Variants in UBE3D observed in about 807,000 individuals in gnomAD.
UBE3D encodes ubiquitin protein ligase E3D, also known as E3 ubiquitin-protein ligase E3D.
In UBE3D, 48 loss-of-function variants were observed where a neutral mutation model predicts 49.6. The ratio of observed to expected loss-of-function variants is 0.97; its 90% CI spans 0.77 to 1.23. The LOEUF (loss-of-function observed/expected upper bound fraction) is 1.23. Ranked by LOEUF, UBE3D falls within the 50% of genes most tolerant of loss-of-function variation. UBE3D has a pLI of 0.00. For missense variants in UBE3D, 452 were observed against 468.4 expected, an observed-to-expected ratio of 0.96 and a Z score of 0.32; for synonymous variants, 189 against 174.2, an observed-to-expected ratio of 1.08 and a Z score of -0.67.
chr6:82,922,065 T>G (rs980843805), intron 9 of UBE3D, among the ~76,000 whole-genome samples: 3 of 152,088 alleles, frequency 2.0e-5, no homozygotes, highest in Non-Finnish European at 4.4e-5. Flanking sequence ...AGATTGGACA[T>G]AGTAGAAGAA....
At chr6:82,927,213 CTT>C (rs34600480) in intron 9 of UBE3D, among the ~76,000 whole-genome samples, 3 of 144,142 alleles carry the variant, frequency 2.1e-5, no homozygotes, top group African/African-American at 5.0e-5. Flanking sequence ...ATCTATTTGT[CTT>C]TTTTTTTTTT....
intron 4 of UBE3D, among the ~76,000 whole-genome samples, chr6:83,039,487 A>G (rs1266735866): frequency 6.6e-6 from 1 of 152,226 alleles, no homozygotes; most frequent in Middle Eastern, 3.2e-3. Context: ...TGCTAGATTC[A>G]GACAGAGCTG....
intron 9 of UBE3D, among the ~76,000 whole-genome samples, chr6:82,943,592 C>T (rs573218323): frequency 6.6e-6 from 1 of 152,258 alleles, no homozygotes; most frequent in African/African-American, 2.4e-5. Context: ...GCTGAGATCA[C>T]ACCACTACAC....
intron 9 of UBE3D, among the ~76,000 whole-genome samples, chr6:82,908,687 C>G (rs895937291): frequency 2.0e-5 from 3 of 152,178 alleles, no homozygotes; most frequent in Admixed American, 2.0e-4. Context: ...GTGCTTAATA[C>G]ATGTTTATTA....
At chr6:82,901,365 A>G (rs1299943471) in intron 9 of UBE3D, among the ~76,000 whole-genome samples, 2 of 152,142 alleles carry the variant, frequency 1.3e-5, no homozygotes, top group African/African-American at 4.8e-5. Flanking sequence ...ACTTTCAAAT[A>G]GTCCAGCCCA....
At chr6:82,933,945 T>TA (rs1007325686) in intron 9 of UBE3D, among the ~76,000 whole-genome samples, 4 of 152,008 alleles carry the variant, frequency 2.6e-5, no homozygotes, top group East Asian at 1.9e-4. Context: ...GGTATCAAAT[T>TA]AAAAAAAATC....
chr6:83,007,680 C>G (rs1197071784), intron 8 of UBE3D, among the ~76,000 whole-genome samples: 1 of 152,184 alleles, frequency 6.6e-6, no homozygotes, highest in East Asian at 1.9e-4. Context: ...TACGGTGGCT[C>G]ATGCCTGTAA....
intron 8 of UBE3D, among the ~76,000 whole-genome samples, chr6:82,999,293 A>T (rs1779454360): frequency 2.0e-5 from 3 of 152,160 alleles, no homozygotes; most frequent in Non-Finnish European, 4.4e-5. Context: ...AGCTTGAGAT[A>T]CCAGACCTTT....
intron 8 of UBE3D, among the ~76,000 whole-genome samples, chr6:82,984,381 T>A (rs1472165668): frequency 6.6e-6 from 1 of 152,216 alleles, no homozygotes; most frequent in Admixed American, 6.5e-5. Flanking sequence ...CGTATGCATG[T>A]GTCCTTTAAT....
chr6:83,015,993 G>T (rs1248945974), intron 8 of UBE3D, among the ~76,000 whole-genome samples: 1 of 152,122 alleles, frequency 6.6e-6, no homozygotes, highest in African/African-American at 2.4e-5. Context: ...CAAGTTGCAG[G>T]GTCCCATTTT....
At chr6:82,881,915 C>A in the UBE3D span, among the ~76,000 whole-genome samples, 1 of 152,186 alleles carries the variant, frequency 6.6e-6, no homozygotes, top group African/African-American at 2.4e-5. Context: ...CAGCTAATAC[C>A]TGGCATATTG....
At chr6:82,971,180 T>C (rs2127705746) in intron 8 of UBE3D, among the ~76,000 whole-genome samples, 1 of 152,290 alleles carries the variant, frequency 6.6e-6, no homozygotes, top group East Asian at 1.9e-4. Context: ...TCTAATTATA[T>C]ATCATAATAT....
At chr6:82,962,384 T>C (rs940525195) in intron 8 of UBE3D, among the ~76,000 whole-genome samples, 1 of 152,188 alleles carries the variant, frequency 6.6e-6, no homozygotes, top group Admixed American at 6.5e-5. Context: ...TTGTCACTCA[T>C]CAGTGAGTGA....
At chr6:83,053,054 G>C (rs185226093) in intron 3 of UBE3D, among the ~76,000 whole-genome samples, 3 of 152,382 alleles carry the variant, frequency 2.0e-5, no homozygotes, top group Admixed American at 2.0e-4. Context: ...ACCCACGTTA[G>C]AGCATATGGC....
At chr6:82,985,431 C>T (rs1402596477) in intron 8 of UBE3D, among the ~76,000 whole-genome samples, 3 of 152,000 alleles carry the variant, frequency 2.0e-5, no homozygotes, top group Non-Finnish European at 2.9e-5. Context: ...GGTGCAATCT[C>T]GGCTCACTAC....
intron 5 of UBE3D, among the ~76,000 whole-genome samples, chr6:83,029,011 G>A (rs1781678285): frequency 1.3e-5 from 2 of 152,094 alleles, no homozygotes; most frequent in African/African-American, 4.8e-5. Flanking sequence ...TACATATGAG[G>A]TTTTGTTTTT....
chr6:82,996,571 C>T (rs1779255838), intron 8 of UBE3D, among the ~76,000 whole-genome samples: 1 of 152,078 alleles, frequency 6.6e-6, no homozygotes. Flanking sequence ...CCAAAGAATA[C>T]AGCATGAGAA....
intron 9 of UBE3D, among the ~76,000 whole-genome samples, chr6:82,916,191 T>C (rs190825629): frequency 1.3e-4 from 20 of 152,254 alleles, no homozygotes; most frequent in African/African-American, 4.8e-4. Context: ...TGTACAAGGG[T>C]TGCAATTTCA....
the UBE3D span, among the ~76,000 whole-genome samples, chr6:82,882,803 A>C: frequency 2.0e-5 from 3 of 152,178 alleles, no homozygotes; most frequent in Non-Finnish European, 4.4e-5. Flanking sequence ...TACAGCCACA[A>C]AGAGAGAACT....
Sources: gnomAD v4.1 joint callset for allele counts (sites outside exome capture counted in the v4.1 genomes callset) on GRCh38, gnomAD v4.1.1 for gene constraint, MANE v1.5 for transcripts, NCBI Gene and HGNC (gene_info 2026-07-23, HGNC 2026-07-21) for gene names.